Variants in SCAPER observed in about 807,000 individuals in gnomAD.
SCAPER encodes S-phase cyclin A associated protein in the ER, also known as S phase cyclin A-associated protein in the endoplasmic reticulum.
In SCAPER, 98 loss-of-function variants were observed where a neutral mutation model predicts 182.2. The ratio of observed to expected loss-of-function variants is 0.54; its 90% CI spans 0.46 to 0.64. The LOEUF (loss-of-function observed/expected upper bound fraction) is 0.64. Among genes scored for constraint, SCAPER ranks in the 30% least tolerant of loss-of-function variants. SCAPER has a pLI of 0.00. For missense variants in SCAPER, 1,432 were observed against 1,690.0 expected, an observed-to-expected ratio of 0.85 and a Z score of 2.68; for synonymous variants, 605 against 564.6, an observed-to-expected ratio of 1.07 and a Z score of -1.01.
At chr15:76,708,414 A>G (rs2059382182) in intron 17 of SCAPER, among the ~76,000 whole-genome samples, 1 of 152,092 alleles carries the variant, frequency 6.6e-6, no homozygotes, top group African/African-American at 2.4e-5. Flanking sequence ...TATGCTAAGA[A>G]AAAAAGTATA....
chr15:76,796,600 T>G (rs960762122), intron 7 of SCAPER, among the ~76,000 whole-genome samples: 1 of 152,188 alleles, frequency 6.6e-6, no homozygotes, highest in African/African-American at 2.4e-5. Context: ...TGTTCTACGA[T>G]GATAATGAAG....
chr15:76,730,358 A>T (rs976726225), intron 16 of SCAPER, among the ~76,000 whole-genome samples: 10 of 152,026 alleles, frequency 6.6e-5, no homozygotes, highest in Admixed American at 1.3e-4. Flanking sequence ...CCCTTATTTG[A>T]GGAGGACATA....
rs547117165 is a variant in SCAPER, at chr15:76,876,273, C to T, written c.6+7539G>A. ...GAGAGGGGCCCCCACAGCTCAGTGG[C>T]GGGCTGAAGGACTCCCCGAGCATGG... On this transcript the variant is annotated intron_variant, in intron 2 of 31. Transcript: ENST00000563290. 5.3e-5 allele frequency among the ~76,000 whole-genome samples: 8 copies of T among 152,220 alleles called. No individual in the cohort carries two copies. The East Asian group carries it at 5.8e-4, about 11-fold the overall frequency.
Position 76,586,268 on chromosome 15 carries a change from T to G in SCAPER, c.2712-11984A>C, listed in dbSNP as rs536750723. 3.2e-3 allele frequency among the ~76,000 whole-genome samples: 483 copies of G among 152,310 alleles called. 5 individuals carry two copies. The highest frequency in any genetic ancestry group is 0.011 in the African/African-American group (461 of 41,584). ...TGGTCCATTTAGGAACTAAGATTGT[T>G]CTTTAGCATAATGGATAGGAAGACA... On this transcript the variant is annotated intron_variant, in intron 22 of 31. Transcript: ENST00000563290.
chr15:76,425,682 G>A (rs989462342), intron 26 of SCAPER, among the ~76,000 whole-genome samples: 1 of 152,204 alleles, frequency 6.6e-6, no homozygotes, highest in African/African-American at 2.4e-5. Context: ...TTTGGAGGGT[G>A]AGAGGTGCTC....
intron 23 of SCAPER, among the ~76,000 whole-genome samples, chr15:76,524,937 T>A (rs1418985176): frequency 1.3e-5 from 2 of 152,036 alleles, no homozygotes; most frequent in Non-Finnish European, 2.9e-5. Flanking sequence ...ACTAAACTAA[T>A]ACATGATTGT....
At chr15:76,471,374 C>A (rs1187796532) in intron 24 of SCAPER, 39 bp from the exon 25 acceptor site, 2 of 1,570,602 alleles carry the variant, frequency 1.3e-6, no homozygotes, top group South Asian at 1.2e-5. Context: ...AAAACCCGAG[C>A]AGCTCTTCTT....
intron 23 of SCAPER, among the ~76,000 whole-genome samples, chr15:76,548,004 G>A (rs551979520): frequency 6.6e-6 from 1 of 152,004 alleles, no homozygotes; most frequent in Non-Finnish European, 1.5e-5. Flanking sequence ...CAGCTTTATT[G>A]TATTGAGTTT....
intron 24 of SCAPER, among the ~76,000 whole-genome samples, chr15:76,498,890 T>C (rs2040852857): frequency 2.0e-5 from 3 of 152,094 alleles, no homozygotes; most frequent in South Asian, 4.1e-4. Flanking sequence ...GAGTATTGCT[T>C]GGTCTGGGTA....
intron 23 of SCAPER, among the ~76,000 whole-genome samples, chr15:76,520,833 C>A (rs1158145453): frequency 6.6e-6 from 1 of 152,188 alleles, no homozygotes; most frequent in Non-Finnish European, 1.5e-5. Context: ...TCTGAGCTTT[C>A]AAACACCATA....
intron 23 of SCAPER, among the ~76,000 whole-genome samples, chr15:76,540,477 C>T (rs1000466279): frequency 6.6e-6 from 1 of 152,048 alleles, no homozygotes; most frequent in South Asian, 2.1e-4. Flanking sequence ...ATGAGATGTT[C>T]ATATATACTG....
At chr15:76,709,635 T>C (rs180971297) in intron 17 of SCAPER, among the ~76,000 whole-genome samples, 99 of 152,100 alleles carry the variant, frequency 6.5e-4, no homozygotes, top group African/African-American at 2.2e-3. Flanking sequence ...CCCCCAAACA[T>C]TTAGAAAGAA....
In SCAPER at chr15:76,381,403, G is replaced by T; in HGVS notation, c.3680C>A (p.Ala1227Glu). Reference protein sequence around the residue: ...IQSLRFFNSFAALHLPAFQSI... With the variant: ...IQSLRFFNSFEALHLPAFQSI... ...CTGAAAAGCAGGCAGATGAAGAGCT[G>T]CAAAGCTGTTGAAGAAACGTAAACT... Residue 1227 changes from alanine to glutamate, a missense_variant, in exon 28 of 32, where the codon GCA becomes GAA. Ala to Glu is a moderately radical substitution (Grantham distance 107, BLOSUM62 -1). This residue lies in a region of SCAPER where 718 missense variants were observed against 799.7 expected (regional missense o/e 0.90). Coordinates refer to ENST00000563290, the MANE Select transcript of SCAPER (RefSeq NM_020843.4). 6.2e-7 allele frequency: 1 copy of T among 1,613,600 alleles called. No individual in the cohort carries two copies. Among genetic ancestry groups the T allele is most frequent in the Non-Finnish European group, 8.5e-7 (1 of 1,179,732 alleles).
intron 5 of SCAPER, among the ~76,000 whole-genome samples, chr15:76,810,952 T>C (rs1408418236): frequency 1.3e-5 from 2 of 151,786 alleles, no homozygotes; most frequent in Non-Finnish European, 2.9e-5. Context: ...TACGTAACAA[T>C]AAAAGGATCA....
At chr15:76,608,564 G>A (rs891891160) in intron 22 of SCAPER, among the ~76,000 whole-genome samples, 2 of 152,208 alleles carry the variant, frequency 1.3e-5, no homozygotes, top group African/African-American at 4.8e-5. Context: ...GGACATTTAA[G>A]TCTGCAGAGG....
intron 21 of SCAPER, among the ~76,000 whole-genome samples, chr15:76,664,109 G>A (rs1449491008): frequency 6.6e-6 from 1 of 152,128 alleles, no homozygotes; most frequent in Non-Finnish European, 1.5e-5. Flanking sequence ...GAACCTTCTA[G>A]GAAGAGGAAA....
chr15:76,409,808 G>A (rs2045147732), intron 26 of SCAPER, among the ~76,000 whole-genome samples: 1 of 151,860 alleles, frequency 6.6e-6, no homozygotes, highest in Non-Finnish European at 1.5e-5. Context: ...GCCTACTTTT[G>A]TTTTTCTTTT....
intron 24 of SCAPER, among the ~76,000 whole-genome samples, chr15:76,496,828 T>A (rs2040592819): frequency 6.6e-6 from 1 of 152,218 alleles, no homozygotes; most frequent in South Asian, 2.1e-4. Flanking sequence ...AGGAAGGCTC[T>A]ATAGCAAAGT....
At chr15:76,387,540 G>A (rs1488840028) in intron 27 of SCAPER, among the ~76,000 whole-genome samples, 3 of 152,194 alleles carry the variant, frequency 2.0e-5, no homozygotes, top group African/African-American at 4.8e-5. Flanking sequence ...TTTAAAACTA[G>A]AAACTTATTC....
Sources: allele counts gnomAD v4.1 joint callset (sites outside exome capture counted in the v4.1 genomes callset), GRCh38; gene constraint gnomAD v4.1.1; regional missense constraint gnomAD v4.1.1; transcripts MANE v1.5; gene names NCBI Gene and HGNC (gene_info 2026-07-23, HGNC 2026-07-21).